Variants in VAT1L observed in about 807,000 individuals in gnomAD.
VAT1L encodes vesicle amine transport 1 like, also known as putative NADPH-dependent quinone oxidoreductase VAT1L.
VAT1L carries 34 observed loss-of-function variants against 44.1 expected under a neutral mutation model. The ratio of observed to expected loss-of-function variants is 0.77; its 90% confidence interval spans 0.59 to 1.03. VAT1L has a LOEUF of 1.03. Among genes scored for constraint, VAT1L ranks in the 50% least tolerant of loss-of-function variants. The pLI, the probability that VAT1L is intolerant of heterozygous loss-of-function variation, is 0.00. For synonymous variants in VAT1L, 253 were observed against 202.2 expected, an observed-to-expected ratio of 1.25 and a Z score of -2.13; for missense variants, 615 against 538.8, an observed-to-expected ratio of 1.14 and a Z score of -1.40.
chr16:77,902,625 T>C (rs1207348143), intron 7 of VAT1L, among the ~76,000 whole-genome samples: 2 of 147,034 alleles, frequency 1.4e-5, no homozygotes, highest in African/African-American at 5.0e-5. Context: ...CCAGAAGAAG[T>C]GCTAAAAAGA....
chr16:77,896,461 G>T (rs141818762), intron 7 of VAT1L, among the ~76,000 whole-genome samples: 1 of 152,302 alleles, frequency 6.6e-6, no homozygotes, highest in African/African-American at 2.4e-5. Context: ...GGGATTAAAT[G>T]ACCTAATGTA....
intron 7 of VAT1L, among the ~76,000 whole-genome samples, chr16:77,952,632 G>A (rs550787127): frequency 3.9e-5 from 6 of 152,170 alleles, no homozygotes; most frequent in African/African-American, 1.4e-4. Flanking sequence ...GCCGAAGTGG[G>A]CAGATCCCGA....
chr16:77,904,154 C>G (rs1336218854), intron 7 of VAT1L, among the ~76,000 whole-genome samples: 4 of 151,490 alleles, frequency 2.6e-5, no homozygotes, highest in African/African-American at 7.3e-5. Flanking sequence ...TTTTACACCA[C>G]TCTATCTTAT....
intron 8 of VAT1L, among the ~76,000 whole-genome samples, chr16:77,972,923 C>T (rs1483231054): frequency 6.6e-6 from 1 of 151,900 alleles, no homozygotes. Flanking sequence ...TGAGCTCAAG[C>T]AATCTGCCTA....
intron 7 of VAT1L, among the ~76,000 whole-genome samples, chr16:77,945,060 G>A (rs1018533069): frequency 6.6e-6 from 1 of 152,268 alleles, no homozygotes; most frequent in African/African-American, 2.4e-5. Context: ...CCTGTCGGTT[G>A]TATGTTCATA....
chr16:77,915,988 G>A (rs901263715), intron 7 of VAT1L, among the ~76,000 whole-genome samples: 1 of 152,190 alleles, frequency 6.6e-6, no homozygotes, highest in African/African-American at 2.4e-5. Flanking sequence ...CGGATGAGGA[G>A]CTGGCATACT....
At chr16:77,945,476 G>C (rs926254304) in intron 7 of VAT1L, among the ~76,000 whole-genome samples, 2 of 151,706 alleles carry the variant, frequency 1.3e-5, no homozygotes, top group African/African-American at 4.8e-5. Flanking sequence ...TAGTTTTTGA[G>C]ACAGGCTCTT....
intron 7 of VAT1L, among the ~76,000 whole-genome samples, chr16:77,968,706 CAG>C (rs1326487158): frequency 9.2e-6 from 1 of 109,166 alleles, no homozygotes; most frequent in East Asian, 3.0e-4. Flanking sequence ...GCGTGGGCAA[CAG>C]AGACTCCATC....
rs145849598 is a variant in VAT1L at position 77,922,222 on chromosome 16, T to G, written c.1077+37420T>G. Among the ~76,000 whole-genome samples the G allele has an allele frequency of 3.4e-3, 517 of 152,260 alleles. 5 individuals carry two copies. The highest frequency in any genetic ancestry group is 0.011 in the African/African-American group (469 of 41,550). On this transcript the variant is annotated intron_variant, in intron 7 of 8. Coordinates refer to ENST00000302536, the MANE Select transcript of VAT1L (RefSeq NM_020927.3). ...CAGTGTCTGTATGTGTCTCTGTGTA[T>G]CTGTGTCTATGTCTGCGTGTACAAA... is the stretch of plus-strand genomic sequence containing the variant.
chr16:77,804,923 T>C (rs1313946424), intron 1 of VAT1L, among the ~76,000 whole-genome samples: 1 of 152,190 alleles, frequency 6.6e-6, no homozygotes, highest in Non-Finnish European at 1.5e-5. Flanking sequence ...AAGTGGTAGA[T>C]TATGAATAAA....
At chr16:77,974,666 G>A (rs1014819824) in intron 8 of VAT1L, among the ~76,000 whole-genome samples, 1 of 152,030 alleles carries the variant, frequency 6.6e-6, no homozygotes. Context: ...GGGTTCAAGC[G>A]ATCCTCCCAC....
intron 7 of VAT1L, among the ~76,000 whole-genome samples, chr16:77,905,419 G>A (rs890646439): frequency 1.3e-5 from 2 of 152,074 alleles, no homozygotes; most frequent in Admixed American, 1.3e-4. Flanking sequence ...AAATTTGACA[G>A]GGAGGTTTTT....
chr16:77,972,552 G>A (rs577712002), intron 8 of VAT1L, among the ~76,000 whole-genome samples: 1 of 152,006 alleles, frequency 6.6e-6, no homozygotes, highest in East Asian at 1.9e-4. Context: ...AGGCTGAGGC[G>A]GGTGGATCAT....
intron 3 of VAT1L, among the ~76,000 whole-genome samples, chr16:77,835,040 C>T (rs2016624162): frequency 6.6e-6 from 1 of 152,084 alleles, no homozygotes. Flanking sequence ...TGTTGGTTTG[C>T]TTTTGTTTTT....
intron 2 of VAT1L, among the ~76,000 whole-genome samples, chr16:77,823,395 A>C (rs1364044064): frequency 3.9e-5 from 6 of 152,176 alleles, no homozygotes; most frequent in African/African-American, 7.2e-5. Context: ...ATATCAGAGA[A>C]TATGAATAAT....
chr16:77,975,575 CT>C (rs1240670015), intron 8 of VAT1L, among the ~76,000 whole-genome samples: 2 of 152,190 alleles, frequency 1.3e-5, no homozygotes, highest in African/African-American at 4.8e-5. Flanking sequence ...AGGACACACA[CT>C]GCTCCTCTAG....
chr16:77,943,380 C>A (rs867674754), intron 7 of VAT1L, among the ~76,000 whole-genome samples: 1 of 125,874 alleles, frequency 7.9e-6, no homozygotes, highest in African/African-American at 3.0e-5. Context: ...CTTTTTCTTT[C>A]TTTTTTTTTT....
intron 7 of VAT1L, among the ~76,000 whole-genome samples, chr16:77,971,581 CA>C (rs781664671): frequency 2.0e-4 from 31 of 152,316 alleles, no homozygotes; most frequent in Non-Finnish European, 3.8e-4. Flanking sequence ...AACCTTCCCC[CA>C]CCCTTTTAAG....
chr16:77,975,732 G>T (rs778314840), intron 8 of VAT1L, among the ~76,000 whole-genome samples: 2 of 152,220 alleles, frequency 1.3e-5, no homozygotes, highest in Non-Finnish European at 2.9e-5. Flanking sequence ...CTGGACCAAA[G>T]CAAAGTCGAA....
Sources: allele counts gnomAD v4.1 joint callset (sites outside exome capture counted in the v4.1 genomes callset), GRCh38; gene constraint gnomAD v4.1.1; transcripts MANE v1.5; gene names NCBI Gene and HGNC (gene_info 2026-07-23, HGNC 2026-07-21).